AGAP3: variants seen among roughly 807,000 people sequenced by gnomAD.
AGAP3 encodes ArfGAP with GTPase domain, ankyrin repeat and PH domain 3.
AGAP3 carries 24 observed loss-of-function variants against 96.9 expected under a neutral mutation model. The observed-to-expected ratio is 0.25, with a 90% CI of 0.18 to 0.35. The LOEUF (loss-of-function observed/expected upper bound fraction) is 0.35, where lower values mean the gene tolerates loss of function less well. AGAP3 is among the 10% of genes least tolerant of loss of function. The probability of loss-of-function intolerance (pLI) is 1.00; values close to 1 mark genes in which losing one functional copy is unlikely to be tolerated. For synonymous variants in AGAP3, 563 were observed against 536.1 expected, an observed-to-expected ratio of 1.05 and a Z score of -0.69; for missense variants, 876 against 1,254.2, an observed-to-expected ratio of 0.70 and a Z score of 4.55.
Position 151,098,739 on chromosome 7 carries a change from T to C in AGAP3, c.331+11667T>C, listed in dbSNP as rs1367831784. Among the ~76,000 whole-genome samples the C allele has an allele frequency of 3.4e-5, 5 of 148,680 alleles. No individual in the cohort carries two copies. In the East Asian group the frequency reaches 8.0e-4, roughly 24 times the overall value. On this transcript the variant is annotated intron_variant, in intron 1 of 17. Coordinates refer to ENST00000397238, the MANE Select transcript of AGAP3 (RefSeq NM_031946.7). The stretch of plus-strand genomic sequence containing the variant: ...TTTGATTCAATTTTCTTTTCTTTTT[T>C]TTTTTTTTTTTTTGAGACAGTCTTG...
At chr7:151,119,501 C>T (rs746891450) in intron 7 of AGAP3, among the ~76,000 whole-genome samples, 10 of 152,232 alleles carry the variant, frequency 6.6e-5, no homozygotes, top group Admixed American at 3.9e-4. Flanking sequence ...ATCCCTTTCC[C>T]TGCCATGGGC....
At chr7:151,106,730 G>C (rs1799071449) in intron 1 of AGAP3, among the ~76,000 whole-genome samples, 1 of 152,118 alleles carries the variant, frequency 6.6e-6, no homozygotes, top group African/African-American at 2.4e-5. Flanking sequence ...GCCCGCCTCA[G>C]GCTCAGGATT....
chr7:151,097,706 A>G (rs1798666047), intron 1 of AGAP3, among the ~76,000 whole-genome samples: 4 of 151,862 alleles, frequency 2.6e-5, no homozygotes. Context: ...GGAGGGCGCT[A>G]CACTCTTCAA....
intron 1 of AGAP3, among the ~76,000 whole-genome samples, chr7:151,101,409 C>T (rs1263628682): frequency 6.6e-6 from 1 of 152,180 alleles, no homozygotes; most frequent in Non-Finnish European, 1.5e-5. Context: ...GCAGGGATAT[C>T]AGGATCAGGT....
At chr7:151,100,096 T>C (rs1477219204) in intron 1 of AGAP3, among the ~76,000 whole-genome samples, 2 of 152,188 alleles carry the variant, frequency 1.3e-5, no homozygotes, top group African/African-American at 4.8e-5. Flanking sequence ...TGTGGGAGCC[T>C]GAGGACAGGC....
intron 1 of AGAP3, among the ~76,000 whole-genome samples, chr7:151,094,228 T>TAAAA (rs1798509061): frequency 6.6e-6 from 1 of 151,812 alleles, no homozygotes; most frequent in African/African-American, 2.4e-5. Flanking sequence ...GGCATTATTC[T>TAAAA]GAAAGGCGGC....
intron 5 of AGAP3, 48 bp downstream of exon 5, chr7:151,117,825 C>A: frequency 6.4e-7 from 1 of 1,567,096 alleles, no homozygotes; most frequent in Non-Finnish European, 8.6e-7. Context: ...AAGTCCCGGG[C>A]AACGATGCAT....
At chr7:151,106,639 A>G (rs1799067044) in intron 1 of AGAP3, among the ~76,000 whole-genome samples, 1 of 152,006 alleles carries the variant, frequency 6.6e-6, no homozygotes, top group Non-Finnish European at 1.5e-5. Flanking sequence ...CACCACACCC[A>G]GCTAAATTTT....
chr7:151,108,647 G>A lies in AGAP3; in HGVS notation c.332-8146G>A, dbSNP rs1799156800. ...CTGCCAGCCGCGTCACCTTGAGGCA[G>A]GGTGGGGCAGAGACTTCAGTCTGCT... On this transcript the variant is annotated intron_variant, in intron 1 of 17. Coordinates refer to ENST00000397238, the MANE Select transcript of AGAP3 (RefSeq NM_031946.7). This position sits in a 1 kb window ranked among gnomAD's most constrained non-coding sequence, Gnocchi z 4.2. 2.0e-5 allele frequency among the ~76,000 whole-genome samples: 3 copies of A among 152,228 alleles called. No individual in the cohort carries two copies. The highest frequency in any genetic ancestry group is 4.4e-5 in the Non-Finnish European group (3 of 68,034).
intron 1 of AGAP3, among the ~76,000 whole-genome samples, chr7:151,113,326 C>T (rs1333787259): frequency 3.3e-5 from 5 of 152,198 alleles, no homozygotes; most frequent in Non-Finnish European, 5.9e-5. Context: ...TCTTCACCAA[C>T]GCTAATAACT....
intron 3 of AGAP3, 85 bp downstream of exon 3, chr7:151,117,267 C>T: frequency 6.3e-7 from 1 of 1,586,564 alleles, no homozygotes; most frequent in Non-Finnish European, 8.6e-7. Flanking sequence ...GGGTCTCCAG[C>T]CCCCTTCCAG....
chr7:151,129,401 G>A (rs2150510952), intron 10 of AGAP3, among the ~76,000 whole-genome samples: 1 of 152,242 alleles, frequency 6.6e-6, no homozygotes, highest in South Asian at 2.1e-4. Flanking sequence ...GTGTCAGGAA[G>A]GCCTGACCCA....
chr7:151,088,420 G>T (rs915964230), intron 1 of AGAP3, among the ~76,000 whole-genome samples: 1 of 152,208 alleles, frequency 6.6e-6, no homozygotes, highest in African/African-American at 2.4e-5. Context: ...CTGAATCACC[G>T]CTGTGGCTGG....
In AGAP3 at chr7:151,114,918, G is replaced by A; in HGVS notation, c.332-1875G>A. The A allele has an allele frequency of 2.0e-6, 2 of 989,528 alleles. No individual in the cohort carries two copies. Among genetic ancestry groups the A allele is most frequent in the Non-Finnish European group, 2.4e-6 (2 of 834,898 alleles). The allele number at this position is 989,528 out of a possible 1,614,324, so 61.3% of individuals were successfully genotyped here. On this transcript the variant is annotated intron_variant, in intron 1 of 17. Transcript: ENST00000397238. The surrounding 1 kb of genome is among the most constrained non-coding windows in gnomAD (Gnocchi z 4.4). ...CGCCCTGCAGGCCGCCCTCTGCGCC[G>A]CCAGTGAGCAGCCGGCGCGGCCGCG...
At chr7:151,130,562 G>T (rs927145043) in intron 10 of AGAP3, among the ~76,000 whole-genome samples, 1 of 152,098 alleles carries the variant, frequency 6.6e-6, no homozygotes, top group Non-Finnish European at 1.5e-5. Flanking sequence ...TTGCCTGCCT[G>T]GGGCTAGGGT....
intron 2 of AGAP3, 44 bp from the exon 3 acceptor site, chr7:151,117,051 G>C (rs58651340): frequency 6.8e-5 from 108 of 1,581,852 alleles, no homozygotes; most frequent in Non-Finnish European, 8.9e-5. Context: ...CTTCTCCCTC[G>C]TGCCCTCTGC....
intron 1 of AGAP3, among the ~76,000 whole-genome samples, chr7:151,094,439 G>T (rs144536509): frequency 6.7e-6 from 1 of 149,842 alleles, no homozygotes; most frequent in Non-Finnish European, 1.5e-5. Context: ...GGAGTTCCCT[G>T]CCCCACTTCC....
chr7:151,132,777 T>G (rs963073656), intron 10 of AGAP3, among the ~76,000 whole-genome samples: 3 of 152,230 alleles, frequency 2.0e-5, no homozygotes, highest in Non-Finnish European at 4.4e-5. Flanking sequence ...CCTCCTCACC[T>G]TCTCTTAGTG....
chr7:151,087,865 G>A (rs1240913888), intron 1 of AGAP3, among the ~76,000 whole-genome samples: 1 of 152,270 alleles, frequency 6.6e-6, no homozygotes, highest in Non-Finnish European at 1.5e-5. Flanking sequence ...GTGGCACGCT[G>A]CTGGCAGATG....
Sources: allele counts gnomAD v4.1 joint callset (sites outside exome capture counted in the v4.1 genomes callset), GRCh38; gene constraint gnomAD v4.1.1; non-coding constraint Gnocchi (gnomAD v3.1); transcripts MANE v1.5; gene names NCBI Gene and HGNC (gene_info 2026-07-23, HGNC 2026-07-21).